KIDINS220: variants seen among roughly 807,000 people sequenced by gnomAD.
KIDINS220 encodes the protein kinase D interacting substrate 220, also known as kinase D-interacting substrate of 220 kDa.
A neutral mutation model predicts 157.6 loss-of-function variants in KIDINS220; 63 were observed. The ratio of observed to expected loss-of-function variants is 0.40; its 90% CI spans 0.33 to 0.49. The LOEUF (loss-of-function observed/expected upper bound fraction) is 0.49. Ranked by LOEUF, KIDINS220 falls within the 20% of genes least tolerant of loss-of-function variation. KIDINS220 has a pLI of 0.66. For missense variants in KIDINS220, 1,772 were observed against 2,171.2 expected (o/e 0.82, Z 3.65); for synonymous variants, 732 against 783.6 (o/e 0.93, Z 1.10).
At chr2:8,798,333 G>A in intron 9 of KIDINS220, 33 bp from the exon 10 acceptor site, 2 of 1,183,162 alleles carry the variant, frequency 1.7e-6, no homozygotes, top group Non-Finnish European at 2.5e-6. Flanking sequence ...ATCACTTCAT[G>A]TAAGATACAA....
At chr2:8,836,160 C>T (rs1680355517) in intron 1 of KIDINS220, among the ~76,000 whole-genome samples, 1 of 151,930 alleles carries the variant, frequency 6.6e-6, no homozygotes, top group Non-Finnish European at 1.5e-5. Context: ...TGGAAGATGA[C>T]CAGATGCCCA....
chr2:8,815,561 C>T (rs931810602), intron 4 of KIDINS220, among the ~76,000 whole-genome samples: 3 of 151,990 alleles, frequency 2.0e-5, no homozygotes, highest in Admixed American at 6.6e-5. Context: ...CCCAGCTCCT[C>T]GGGAGGCTGA....
At chr2:8,740,902 A>G (rs1665532225) in intron 26 of KIDINS220, among the ~76,000 whole-genome samples, 1 of 152,230 alleles carries the variant, frequency 6.6e-6, no homozygotes, top group Non-Finnish European at 1.5e-5. Flanking sequence ...ATGACTGGCA[A>G]TTTGTACCAA....
chr2:8,791,734 C>A (rs1458779575), intron 12 of KIDINS220, among the ~76,000 whole-genome samples: 2 of 151,990 alleles, frequency 1.3e-5, no homozygotes, highest in East Asian at 3.9e-4. Context: ...TACTGAAGAA[C>A]ATAATAGATA....
At position 8,729,320 on chromosome 2, in the gene KIDINS220, C is replaced by T. The variant is rs1380759166; in HGVS notation, c.*1400G>A. ...ACTTAATCAGCATATTAATAAAAAC[C>T]CACTGAGTGATAAACATCGAAAATG... On this transcript the variant is annotated 3_prime_UTR_variant, in exon 30 of 30. Transcript: ENST00000256707. 1 of 985,264 alleles carries T rather than the reference C, an allele frequency of 1.0e-6. No individual in the cohort carries two copies. The highest frequency in any genetic ancestry group is 1.7e-5 in the African/African-American group (1 of 57,234). The allele number at this position is 985,264 out of a possible 1,614,324, so 61.0% of individuals were successfully genotyped here.
chr2:8,778,784 T>G (rs1415326596), intron 19 of KIDINS220, 57 bp from the exon 20 acceptor site: 2 of 1,589,452 alleles, frequency 1.3e-6, no homozygotes, highest in African/African-American at 2.7e-5. Context: ...GTATATGATA[T>G]TTAAAGAAAT....
intron 20 of KIDINS220, 69 bp downstream of exon 20, chr2:8,778,570 G>T (rs1671279916): frequency 1.0e-6 from 1 of 964,096 alleles, no homozygotes; most frequent in Non-Finnish European, 1.7e-6. Context: ...TATTTAAGTG[G>T]CATCATCTTT....
chr2:8,760,617 T>C (rs1322968951), intron 22 of KIDINS220, among the ~76,000 whole-genome samples: 1 of 152,214 alleles, frequency 6.6e-6, no homozygotes, highest in Non-Finnish European at 1.5e-5. Flanking sequence ...TTTCTTAATG[T>C]TACAGTCCCA....
At chr2:8,836,426 G>A (rs1680409638) in intron 1 of KIDINS220, among the ~76,000 whole-genome samples, 1 of 152,296 alleles carries the variant, frequency 6.6e-6, no homozygotes, top group East Asian at 1.9e-4. Flanking sequence ...GTAGAACAAG[G>A]ATTCTCAAAC....
At chr2:8,815,415 A>AG (rs1051541483) in intron 4 of KIDINS220, among the ~76,000 whole-genome samples, 1 of 150,626 alleles carries the variant, frequency 6.6e-6, no homozygotes, top group Non-Finnish European at 1.5e-5. Flanking sequence ...AAAAAGAAAA[A>AG]GAAAAAAAAA....
At chr2:8,801,367 C>A (rs558450035) in intron 8 of KIDINS220, among the ~76,000 whole-genome samples, 1 of 152,284 alleles carries the variant, frequency 6.6e-6, no homozygotes, top group Admixed American at 6.5e-5. Flanking sequence ...AGTGTGTTAA[C>A]TACCACATTT....
chr2:8,722,577 G>T (rs1409761301), downstream of KIDINS220: 1 of 152,114 alleles, frequency 6.6e-6, no homozygotes, highest in African/African-American at 2.4e-5. Context: ...AGAGAGAGGA[G>T]AACCTAAAAA....
In KIDINS220 at chr2:8,730,334, T is replaced by C. The variant is rs1572395685; in HGVS notation, c.*386A>G. The C allele has an allele frequency of 9.9e-7, 1 of 1,010,362 alleles. No individual in the cohort carries two copies. Among genetic ancestry groups the C allele is most frequent in the Non-Finnish European group, 1.2e-6 (1 of 846,360 alleles). The allele number at this position is 1,010,362 out of a possible 1,614,324, so 62.6% of individuals were successfully genotyped here. On this transcript the variant is annotated 3_prime_UTR_variant, in exon 30 of 30. Coordinates refer to ENST00000256707, the MANE Select transcript of KIDINS220 (RefSeq NM_020738.4). ...ACCTAACGCCACGTCTTCCCTCAAATGTGTGGTCACCAAATGTTTGCAAAA... is the reference window on the plus strand; with the variant it reads ...ACCTAACGCCACGTCTTCCCTCAAACGTGTGGTCACCAAATGTTTGCAAAA...
chr2:8,776,410 T>C (rs919094043), intron 21 of KIDINS220, among the ~76,000 whole-genome samples: 1 of 152,102 alleles, frequency 6.6e-6, no homozygotes, highest in African/African-American at 2.4e-5. Context: ...AAAAAAAGCA[T>C]ATAACATCTG....
Position 8,731,323 on chromosome 2 carries a change from C to T in KIDINS220, c.4713G>A (p.Glu1571=), listed in dbSNP as rs771687101. The change falls in exon 30 of 30, where the codon GAG becomes GAA. Residue 1571 remains glutamate, a synonymous_variant. Transcript: ENST00000256707. This position sits in a 1 kb window ranked among gnomAD's most constrained non-coding sequence, Gnocchi z 5.2. ...TGTCAAGGAGCGCATCCGATAAATA[C>T]TCTTTGGCTTTAATGAAGGTTCTGA... ...EPIRTFIKAK[E]YLSDALLDKK... is the part of the protein sequence containing the mutation. 1 of 1,614,178 alleles carries T rather than the reference C, an allele frequency of 6.2e-7. No homozygotes were observed. The highest frequency in any genetic ancestry group is 1.7e-5 in the Admixed American group (1 of 60,016).
Position 8,736,885 on chromosome 2 carries a change from A to G in KIDINS220, c.3700T>C (p.Cys1234Arg). ...GLDQSMLPQY[C>R]TTIKKANING... ...TGCCTCACCTTTTTGATCGTGGTAC[A>G]ATACTGAGGCAGCATACTCTGGTCC... Residue 1234 changes from cysteine to arginine, a missense_variant, in exon 27 of 30, where the codon TGT becomes CGT. Cys to Arg is a radical substitution (Grantham distance 180). Around this residue, in one of 3 missense-constraint regions of KIDINS220, gnomAD observed 793 missense variants for 885.5 expected, o/e 0.90. Transcript: ENST00000256707. The G allele has an allele frequency of 6.2e-7, 1 of 1,614,184 alleles. No individual in the cohort carries two copies. The highest frequency in any genetic ancestry group is 8.5e-7 in the Non-Finnish European group (1 of 1,180,014).
chr2:8,770,828 T>G lies in KIDINS220; in HGVS notation c.2853A>C (p.Arg951=). The part of the protein sequence containing the change: ...RLLNIVSVTG[R]LLRANQISFN... Reference sequence around the variant, plus strand: ...AACTAATCTGATTGGCTCTCAGTAATCGTCCTTTTAAAAAATACAAAAGCA... The same window carrying G: ...AACTAATCTGATTGGCTCTCAGTAAGCGTCCTTTTAAAAAATACAAAAGCA... The change falls in exon 22 of 30, where the codon CGA becomes CGC. Residue 951 remains arginine, a synonymous_variant. Coordinates refer to ENST00000256707, the MANE Select transcript of KIDINS220 (RefSeq NM_020738.4). The G allele has an allele frequency of 6.3e-7, 1 of 1,584,244 alleles. No homozygotes were observed. The highest frequency in any genetic ancestry group is 8.6e-7 in the Non-Finnish European group (1 of 1,166,766).
chr2:8,738,313 T>G (rs1479998161), intron 26 of KIDINS220, among the ~76,000 whole-genome samples: 1 of 152,218 alleles, frequency 6.6e-6, no homozygotes, highest in Admixed American at 6.5e-5. Context: ...AGTGCACACA[T>G]GATCCACAGA....
At chr2:8,772,918 C>T (rs1370485534) in intron 21 of KIDINS220, among the ~76,000 whole-genome samples, 1 of 152,082 alleles carries the variant, frequency 6.6e-6, no homozygotes, top group Non-Finnish European at 1.5e-5. Context: ...GTAACATGCC[C>T]GTGACTCAAA....
Sources: allele counts gnomAD v4.1 joint callset (sites outside exome capture counted in the v4.1 genomes callset), GRCh38; gene constraint gnomAD v4.1.1; regional missense constraint gnomAD v4.1.1; non-coding constraint Gnocchi (gnomAD v3.1); transcripts MANE v1.5; gene names NCBI Gene and HGNC (gene_info 2026-07-23, HGNC 2026-07-21).